The following RIMS2 variants were observed in gnomAD, a reference collection of about 807,000 sequenced individuals.
The protein encoded by RIMS2 is regulating synaptic membrane exocytosis protein 2.
In RIMS2, 59 loss-of-function variants were observed where a neutral mutation model predicts 174.4. The observed-to-expected ratio is 0.34, with a 90% CI of 0.27 to 0.42. The LOEUF (loss-of-function observed/expected upper bound fraction) is 0.42, where lower values mean the gene tolerates loss of function less well. Ranked by LOEUF, RIMS2 falls within the 10% of genes least tolerant of loss-of-function variation. The pLI is 1.00. For synonymous variants in RIMS2, 606 were observed against 572.5 expected, an observed-to-expected ratio of 1.06 and a Z score of -0.84; for missense variants, 1,620 against 1,666.3, an observed-to-expected ratio of 0.97 and a Z score of 0.48.
intron 19 of RIMS2, among the ~76,000 whole-genome samples, chr8:104,201,558 A>G (rs1022731713): frequency 1.3e-5 from 2 of 152,158 alleles, no homozygotes; most frequent in Non-Finnish European, 2.9e-5. Context: ...TTATGTTTCT[A>G]TTATATTTAA....
exon 4 of RIMS2, chr8:103,885,753 T>G: frequency 6.2e-7 from 1 of 1,613,006 alleles, no homozygotes; most frequent in Non-Finnish European, 8.5e-7. Flanking sequence ...AGGATTTCTA[T>G]GCTAAGGATG....
intron 19 of RIMS2, among the ~76,000 whole-genome samples, chr8:104,105,935 G>C (rs2098043348): frequency 6.6e-6 from 1 of 150,720 alleles, no homozygotes; most frequent in African/African-American, 2.4e-5. Flanking sequence ...AGCTACTCGG[G>C]AGGCTGAGGC....
At chr8:103,779,733 C>T (rs1367358667) in intron 3 of RIMS2, among the ~76,000 whole-genome samples, 2 of 124,816 alleles carry the variant, frequency 1.6e-5, no homozygotes, top group African/African-American at 6.3e-5. Flanking sequence ...GTGGGGAGCA[C>T]CACACACTAG....
At chr8:103,530,752 A>G (rs1391376107) in intron 1 of RIMS2, among the ~76,000 whole-genome samples, 1 of 151,994 alleles carries the variant, frequency 6.6e-6, no homozygotes, top group Non-Finnish European at 1.5e-5. Context: ...ATAGGCTAAA[A>G]TATGTACAAG....
At chr8:103,598,972 T>C (rs2094582098) in intron 1 of RIMS2, among the ~76,000 whole-genome samples, 2 of 152,088 alleles carry the variant, frequency 1.3e-5, no homozygotes. Context: ...CATATTGATC[T>C]TTCTATTAAC....
At position 104,051,108 on chromosome 8, in the gene RIMS2, A is replaced by G. The variant is rs373291745; in HGVS notation, c.3334+36493A>G. Among the ~76,000 whole-genome samples the G allele has an allele frequency of 4.1e-4, 62 of 152,096 alleles. No homozygotes were observed. In the South Asian group the frequency reaches 0.012, roughly 31 times the overall value. On this transcript the variant is annotated intron_variant, in intron 19 of 23. Coordinates refer to ENST00000504942, the Ensembl canonical transcript of RIMS2. ...TAAAAACTTAGCTGGGTGTGGTGGC[A>G]CAAGCCTGTAGTCCCTGCTACTTAG... is the stretch of plus-strand genomic sequence containing the variant.
chr8:103,852,794 A>C (rs1334006456), intron 3 of RIMS2, among the ~76,000 whole-genome samples: 1 of 151,814 alleles, frequency 6.6e-6, no homozygotes, highest in Non-Finnish European at 1.5e-5. Flanking sequence ...CATTTTCTTT[A>C]TCCAATCTGT....
At chr8:104,127,741 A>C (rs1191677882) in intron 19 of RIMS2, among the ~76,000 whole-genome samples, 3 of 152,194 alleles carry the variant, frequency 2.0e-5, no homozygotes, top group African/African-American at 7.2e-5. Flanking sequence ...GCAAAAAAAA[A>C]CAATAAAAAA....
chr8:103,601,386 C>A (rs994840034), intron 1 of RIMS2, among the ~76,000 whole-genome samples: 1 of 152,070 alleles, frequency 6.6e-6, no homozygotes, highest in East Asian at 1.9e-4. Flanking sequence ...ATAATTATAT[C>A]CTGTTGCTGG....
At chr8:103,931,211 G>T (rs72681378) in intron 11 of RIMS2, 52 bp from the exon 14 acceptor site, 38,815 of 1,330,890 alleles carry the variant, frequency 0.029, 686 homozygotes, top group Middle Eastern at 0.042. Flanking sequence ...AGTAAACATT[G>T]TGTTTGTGTA....
chr8:104,145,671 CAATAAATA>C (rs61691382), intron 19 of RIMS2, among the ~76,000 whole-genome samples: 229 of 132,696 alleles, frequency 1.7e-3, no homozygotes, highest in African/African-American at 1.8e-3. Context: ...ACTAAAAATA[CAATAAATA>C]AATAAATAAA....
chr8:103,885,331 T>C lies in RIMS2; in HGVS notation c.732T>C (p.Asn244=), dbSNP rs369996192. 57 of 1,609,180 alleles carry C rather than the reference T, an allele frequency of 3.5e-5. No homozygotes were observed. In the African/African-American group the frequency reaches 6.5e-4, roughly 18 times the overall value. The stretch of plus-strand genomic sequence containing the variant: ...GCCCATCTGTGTCCAGAGATCAGAA[T>C]AGAAGATACGACCAAAGGGAAGAAA... The change falls in exon 4 of 24, where the codon AAT becomes AAC. Residue 244 remains asparagine, a synonymous_variant. Transcript: ENST00000504942.
rs1158779055 is a variant in RIMS2 at position 103,512,768 on chromosome 8, C to A, written c.176+11706C>A. On this transcript the variant is annotated intron_variant, in intron 1 of 23. Transcript: ENST00000504942. ...GCAATCCTTAGGATAATTGTAGTTC[C>A]CGCTTTACAATTTTGTCTTATTTGC... is the stretch of plus-strand genomic sequence containing the variant. Among the ~76,000 whole-genome samples, 3 of 152,038 alleles carry A rather than the reference C, an allele frequency of 2.0e-5. No individual in the cohort carries two copies. The East Asian group carries it at 5.8e-4, about 29-fold the overall frequency.
intron 19 of RIMS2, among the ~76,000 whole-genome samples, chr8:104,186,183 A>T (rs2098967069): frequency 6.6e-6 from 1 of 151,726 alleles, no homozygotes; most frequent in African/African-American, 2.4e-5. Context: ...GGAGCTAACT[A>T]ATATGTACAC....
At chr8:103,944,575 A>G (rs1327823433) in intron 14 of RIMS2, among the ~76,000 whole-genome samples, 4 of 152,114 alleles carry the variant, frequency 2.6e-5, no homozygotes, top group South Asian at 2.1e-4. Context: ...TCCCCACACT[A>G]CTTAGGGATA....
At chr8:103,707,651 G>A (rs543557102) in intron 2 of RIMS2, among the ~76,000 whole-genome samples, 4 of 152,158 alleles carry the variant, frequency 2.6e-5, no homozygotes, top group Non-Finnish European at 5.9e-5. Flanking sequence ...TGGGGGATGG[G>A]TGACTCGGCA....
chr8:104,206,421 T>C (rs1044944319), intron 19 of RIMS2, among the ~76,000 whole-genome samples: 1 of 152,200 alleles, frequency 6.6e-6, no homozygotes. Context: ...CTTTGCATTT[T>C]TGTAGATGTA....
At chr8:103,992,544 A>G (rs922863032) in intron 17 of RIMS2, among the ~76,000 whole-genome samples, 1 of 152,162 alleles carries the variant, frequency 6.6e-6, no homozygotes, top group Non-Finnish European at 1.5e-5. Context: ...AAGAGCAAGG[A>G]TAGACTATAA....
rs774815082 is a variant in RIMS2, at chr8:104,249,596, C to A, written c.3691+8C>A. ...GTTCCAAGACACTGCCAGGTAAAAA[C>A]AAAAGAGATTTTTCTATTATTGTCC... is the stretch of plus-strand genomic sequence containing the variant. On this transcript the variant is annotated splice_region_variant and intron_variant, in intron 22 of 23. Coordinates refer to ENST00000504942, the Ensembl canonical transcript of RIMS2. The A allele has an allele frequency of 4.7e-6, 7 of 1,491,602 alleles. No individual in the cohort carries two copies. In the East Asian group the frequency reaches 1.6e-4, roughly 34 times the overall value. The allele number at this position is 1,491,602 out of a possible 1,614,324, so 92.4% of individuals were successfully genotyped here. A position where few individuals can be genotyped will look rare whatever the true frequency, so the allele number is the denominator to read the frequency against.
Sources: gnomAD v4.1 joint callset for allele counts (sites outside exome capture counted in the v4.1 genomes callset) on GRCh38, gnomAD v4.1.1 for gene constraint, MANE v1.5 for transcripts, NCBI Gene and HGNC (gene_info 2026-07-23, HGNC 2026-07-21) for gene names.